WDPCP: variants seen among roughly 807,000 people sequenced by gnomAD.
The protein encoded by WDPCP is WD repeat containing planar cell polarity effector, also known as WD repeat-containing and planar cell polarity effector protein fritz homolog.
WDPCP carries 71 observed loss-of-function variants against 93.1 expected under a neutral mutation model. That is an observed-to-expected ratio of 0.76 (90% CI 0.63 to 0.93). The LOEUF (loss-of-function observed/expected upper bound fraction) is 0.93, where lower values mean the gene tolerates loss of function less well. WDPCP is among the 40% of genes least tolerant of loss of function. WDPCP has a pLI of 0.00. For synonymous variants in WDPCP, 315 were observed against 315.0 expected (o/e 1.00, Z 0.00); for missense variants, 844 against 887.4 (o/e 0.95, Z 0.62).
chr2:63,784,169 T>C (rs993446160), intron 2 of WDPCP, among the ~76,000 whole-genome samples: 3 of 152,018 alleles, frequency 2.0e-5, no homozygotes, highest in African/African-American at 7.2e-5. Flanking sequence ...GTCGTGTGAA[T>C]GAACAAAAGT....
intron 1 of WDPCP, among the ~76,000 whole-genome samples, chr2:63,543,825 T>A (rs1704927417): frequency 6.6e-6 from 1 of 152,106 alleles, no homozygotes; most frequent in Non-Finnish European, 1.5e-5. Context: ...TTTGAAATAG[T>A]AGAAGGTAAG....
chr2:63,473,272 T>C (rs935397295), intron 6 of WDPCP, among the ~76,000 whole-genome samples: 1 of 152,184 alleles, frequency 6.6e-6, no homozygotes, highest in East Asian at 1.9e-4. Flanking sequence ...ATAAGCCTTG[T>C]TGCTGGAGCA....
intron 12 of WDPCP, among the ~76,000 whole-genome samples, chr2:63,350,137 G>GC (rs973177231): frequency 5.4e-4 from 82 of 152,262 alleles, no homozygotes; most frequent in African/African-American, 1.9e-3. Context: ...CATGTCCTTT[G>GC]CAGGGACATG....
chr2:63,435,990 G>C (rs1184306490), intron 8 of WDPCP, among the ~76,000 whole-genome samples: 2 of 152,002 alleles, frequency 1.3e-5, no homozygotes, highest in Non-Finnish European at 2.9e-5. Context: ...ATGACATCTT[G>C]ACAGTTTCTC....
chr2:63,286,756 G>A (rs955712910), intron 13 of WDPCP, among the ~76,000 whole-genome samples: 1 of 152,276 alleles, frequency 6.6e-6, no homozygotes, highest in East Asian at 1.9e-4. Context: ...ATGATGTTTA[G>A]ATATTCTAGC....
intron 12 of WDPCP, among the ~76,000 whole-genome samples, chr2:63,335,019 A>G (rs1688250138): frequency 6.6e-6 from 1 of 152,180 alleles, no homozygotes; most frequent in African/African-American, 2.4e-5. Flanking sequence ...CAACTGAGTG[A>G]GACAAATGCA....
intron 2 of WDPCP, among the ~76,000 whole-genome samples, chr2:63,691,661 T>G (rs1216233689): frequency 6.6e-6 from 1 of 151,640 alleles, no homozygotes; most frequent in Non-Finnish European, 1.5e-5. Flanking sequence ...GAAAAAGAAG[T>G]AGTAATATCA....
At chr2:63,401,043 G>A (rs960079187) in intron 10 of WDPCP, among the ~76,000 whole-genome samples, 6 of 151,930 alleles carry the variant, frequency 3.9e-5, no homozygotes, top group African/African-American at 1.2e-4. Flanking sequence ...ATAAAAACCC[G>A]AGAAGAAAAC....
At chr2:63,379,283 A>G (rs553051284) in intron 11 of WDPCP, among the ~76,000 whole-genome samples, 1 of 152,208 alleles carries the variant, frequency 6.6e-6, no homozygotes, top group Non-Finnish European at 1.5e-5. Flanking sequence ...TACAGTTCAC[A>G]GTAAGACTTC....
chr2:63,425,189 T>G (rs7559881), intron 9 of WDPCP, among the ~76,000 whole-genome samples: 6 of 152,046 alleles, frequency 3.9e-5, no homozygotes, highest in Non-Finnish European at 5.9e-5. Flanking sequence ...GAACCACAGT[T>G]AAAAACTCAA....
intron 9 of WDPCP, among the ~76,000 whole-genome samples, chr2:63,428,365 T>C (rs6756605): frequency 0.47 from 71,208 of 151,894 alleles, 17,288 homozygotes; most frequent in African/African-American, 0.59. Flanking sequence ...AATCCAGCAG[T>C]ACATCAAAAA....
chr2:63,515,471 A>G (rs1342686025), intron 1 of WDPCP, among the ~76,000 whole-genome samples: 1 of 152,192 alleles, frequency 6.6e-6, no homozygotes, highest in East Asian at 1.9e-4. Context: ...AGAAATGGTC[A>G]ATTCCTAAAA....
At chr2:63,775,993 G>A (rs1408629319) in intron 2 of WDPCP, among the ~76,000 whole-genome samples, 1 of 152,076 alleles carries the variant, frequency 6.6e-6, no homozygotes, top group Non-Finnish European at 1.5e-5. Flanking sequence ...GAGCCCAAGA[G>A]TTTGAGGCTG....
At chr2:63,398,601 A>G (rs1416971881) in intron 10 of WDPCP, among the ~76,000 whole-genome samples, 1 of 152,180 alleles carries the variant, frequency 6.6e-6, no homozygotes, top group Non-Finnish European at 1.5e-5. Context: ...ACCTAATCTA[A>G]GAGTCTAACT....
At chr2:63,469,284 G>A (rs1309473107) in intron 6 of WDPCP, among the ~76,000 whole-genome samples, 2 of 152,230 alleles carry the variant, frequency 1.3e-5, no homozygotes, top group East Asian at 3.8e-4. Flanking sequence ...GGGGAAAGCA[G>A]TGTGGAGATT....
chr2:63,623,010 G>A (rs966969677), intron 3 of WDPCP, among the ~76,000 whole-genome samples: 1 of 152,232 alleles, frequency 6.6e-6, no homozygotes, highest in Non-Finnish European at 1.5e-5. Flanking sequence ...CCGACCGCGC[G>A]CCACTTCCGG....
intron 3 of WDPCP, among the ~76,000 whole-genome samples, chr2:63,600,523 G>C (rs1173394768): frequency 6.6e-6 from 1 of 152,192 alleles, no homozygotes; most frequent in Non-Finnish European, 1.5e-5. Context: ...TGTAATAATT[G>C]TATCTACCTC....
intron 10 of WDPCP, among the ~76,000 whole-genome samples, chr2:63,389,094 T>C (rs924168446): frequency 3.3e-5 from 5 of 151,972 alleles, no homozygotes; most frequent in Non-Finnish European, 7.4e-5. Context: ...AGACACATAA[T>C]CGTCAGATTC....
intron 1 of WDPCP, among the ~76,000 whole-genome samples, chr2:63,503,593 G>A (rs930902236): frequency 2.0e-5 from 3 of 151,928 alleles, no homozygotes; most frequent in Non-Finnish European, 4.4e-5. Context: ...ATTCTTTTTA[G>A]GATGTACCTC....
Sources: gnomAD v4.1 joint callset for allele counts (sites outside exome capture counted in the v4.1 genomes callset) on GRCh38, gnomAD v4.1.1 for gene constraint, MANE v1.5 for transcripts, NCBI Gene and HGNC (gene_info 2026-07-23, HGNC 2026-07-21) for gene names.